PITPNC1: variants seen among roughly 807,000 people sequenced by gnomAD.
The protein encoded by PITPNC1 is phosphatidylinositol transfer protein cytoplasmic 1.
PITPNC1 carries 18 observed loss-of-function variants against 44.7 expected under a neutral mutation model. The ratio of observed to expected loss-of-function variants is 0.40; its 90% CI spans 0.28 to 0.60. The LOEUF (loss-of-function observed/expected upper bound fraction) is 0.60. PITPNC1 is among the 20% of genes least tolerant of loss of function. PITPNC1 has a pLI of 0.39. For synonymous variants in PITPNC1, 141 were observed against 149.6 expected (o/e 0.94, Z 0.42); for missense variants, 290 against 418.4 (o/e 0.69, Z 2.68).
chr17:67,465,606 A>G (rs1006124456), intron 1 of PITPNC1, among the ~76,000 whole-genome samples: 1 of 152,116 alleles, frequency 6.6e-6, no homozygotes, highest in African/African-American at 2.4e-5. Context: ...CGAATGACAG[A>G]GCCCCTGCAC....
intron 1 of PITPNC1, among the ~76,000 whole-genome samples, chr17:67,531,452 G>A (rs1598787173): frequency 6.6e-6 from 1 of 152,130 alleles, no homozygotes; most frequent in African/African-American, 2.4e-5. Context: ...GACCCAGACG[G>A]CAGCTTGCTT....
chr17:67,559,806 T>C (rs2096227541), intron 4 of PITPNC1, among the ~76,000 whole-genome samples: 1 of 151,802 alleles, frequency 6.6e-6, no homozygotes, highest in Non-Finnish European at 1.5e-5. Context: ...ACCCAGGAAG[T>C]GGAGGTTGCA....
Position 67,675,433 on chromosome 17 carries a change from T to TTCA in PITPNC1, c.619-42_619-40dup, listed in dbSNP as rs1395371831. On this transcript the variant is annotated intron_variant, in intron 7 of 8. Transcript: ENST00000581322. Reference sequence around the variant, plus strand: ...TTAACAACTTGTCTTCCAGATAGTTTTCATCAAAGATGCTATTATTTCAGT... The same window carrying TTCA: ...TTAACAACTTGTCTTCCAGATAGTTTTCATCATCAAAGATGCTATTATTTCAGT... 3.1e-6 allele frequency: 4 copies of TTCA among 1,288,240 alleles called. No individual in the cohort carries two copies. The Admixed American group carries it at 6.8e-5, about 22-fold the overall frequency. The allele number at this position is 1,288,240 out of a possible 1,614,324, so 79.8% of individuals were successfully genotyped here. A position where few individuals can be genotyped will look rare whatever the true frequency, so the allele number is the denominator to read the frequency against.
rs1000524620 is a variant in PITPNC1, at chr17:67,508,058, T to C, written c.49-24744T>C. Among the ~76,000 whole-genome samples the C allele has an allele frequency of 5.3e-5, 8 of 152,102 alleles. No homozygotes were observed. Among genetic ancestry groups the C allele is most frequent in the African/African-American group, 1.9e-4 (8 of 41,420 alleles). The stretch of plus-strand genomic sequence containing the variant: ...TTTTCCAAAGCCTGCTCCTCCTCCT[T>C]CTATATTTAATTCCCAAGAGTAATC... On this transcript the variant is annotated intron_variant, in intron 1 of 8. Transcript: ENST00000581322. This position sits in a 1 kb window ranked among gnomAD's most constrained non-coding sequence, Gnocchi z 4.2.
intron 5 of PITPNC1, among the ~76,000 whole-genome samples, chr17:67,622,089 C>G (rs922112125): frequency 6.6e-6 from 1 of 152,040 alleles, no homozygotes; most frequent in African/African-American, 2.4e-5. Context: ...AACCCCGTCT[C>G]TACTAAAAAT....
At chr17:67,532,389 C>T (rs1260244451) in intron 1 of PITPNC1, among the ~76,000 whole-genome samples, 1 of 152,162 alleles carries the variant, frequency 6.6e-6, no homozygotes, top group Non-Finnish European at 1.5e-5. Context: ...CCCTGTTCAG[C>T]AATTTTGCTA....
At chr17:67,668,828 C>T (rs191017902) in intron 6 of PITPNC1, among the ~76,000 whole-genome samples, 6 of 151,406 alleles carry the variant, frequency 4.0e-5, no homozygotes, top group Non-Finnish European at 7.4e-5. Flanking sequence ...CACCACTGCA[C>T]TCCAGCCTGG....
intron 8 of PITPNC1, among the ~76,000 whole-genome samples, chr17:67,683,404 T>C (rs1317266282): frequency 1.3e-5 from 2 of 152,230 alleles, no homozygotes; most frequent in Non-Finnish European, 2.9e-5. Context: ...CAGTGCATTT[T>C]ACCAGCTAAC....
chr17:67,588,170 A>G (rs548104050), intron 5 of PITPNC1, among the ~76,000 whole-genome samples: 33 of 152,110 alleles, frequency 2.2e-4, no homozygotes, highest in African/African-American at 7.7e-4. Flanking sequence ...CACCCAGCTA[A>G]TGTTTATATT....
At chr17:67,615,933 C>A (rs528716190) in intron 5 of PITPNC1, among the ~76,000 whole-genome samples, 52 of 152,160 alleles carry the variant, frequency 3.4e-4, no homozygotes, top group African/African-American at 1.2e-3. Flanking sequence ...AGGCTGCAGC[C>A]CAGAGGAGAA....
intron 1 of PITPNC1, among the ~76,000 whole-genome samples, chr17:67,449,444 C>T (rs2039145851): frequency 6.6e-6 from 1 of 152,118 alleles, no homozygotes; most frequent in Non-Finnish European, 1.5e-5. Context: ...GCTGACGACC[C>T]GAGATTCCTT....
chr17:67,584,489 C>G (rs2041283647), intron 5 of PITPNC1, among the ~76,000 whole-genome samples: 2 of 152,040 alleles, frequency 1.3e-5, no homozygotes, highest in South Asian at 4.2e-4. Context: ...ACAGAAAGAT[C>G]AGTATTGAAG....
chr17:67,680,102 T>G lies in PITPNC1; in HGVS notation c.682+4560T>G, dbSNP rs2042674688. 2.0e-5 allele frequency among the ~76,000 whole-genome samples: 3 copies of G among 152,074 alleles called. No individual in the cohort carries two copies. In the South Asian group the frequency reaches 6.2e-4, roughly 32 times the overall value. On this transcript the variant is annotated intron_variant, in intron 8 of 8. Transcript: ENST00000581322. Reference sequence around the variant, plus strand: ...GGTCTAACAATGAGGGAGGCAAGATTAAAATGGAGAAAGAAGCCTGCTAGG... The same window carrying G: ...GGTCTAACAATGAGGGAGGCAAGATGAAAATGGAGAAAGAAGCCTGCTAGG...
At chr17:67,505,322 A>G (rs1260338008) in intron 1 of PITPNC1, among the ~76,000 whole-genome samples, 2 of 152,176 alleles carry the variant, frequency 1.3e-5, no homozygotes, top group Non-Finnish European at 2.9e-5. Context: ...AAGGTCTCCA[A>G]CTATAGTTGT....
intron 1 of PITPNC1, among the ~76,000 whole-genome samples, chr17:67,382,739 C>G (rs934482549): frequency 1.8e-4 from 28 of 152,058 alleles, no homozygotes; most frequent in African/African-American, 6.5e-4. Flanking sequence ...AGTCTCCTGC[C>G]TCAGCCTCCC....
chr17:67,401,181 C>T (rs905455217), intron 1 of PITPNC1, among the ~76,000 whole-genome samples: 8 of 152,286 alleles, frequency 5.3e-5, no homozygotes, highest in South Asian at 2.1e-4. Context: ...GTGATCCGCC[C>T]GCCCTGGTCT....
chr17:67,404,920 G>A (rs2038372731), intron 1 of PITPNC1, among the ~76,000 whole-genome samples: 1 of 152,030 alleles, frequency 6.6e-6, no homozygotes, highest in African/African-American at 2.4e-5. Context: ...TGGTTGCTTC[G>A]TTGAGGATGA....
chr17:67,588,026 C>T (rs563877839), intron 5 of PITPNC1, among the ~76,000 whole-genome samples: 1 of 152,210 alleles, frequency 6.6e-6, no homozygotes, highest in South Asian at 2.1e-4. Context: ...TTTTTTGAAA[C>T]GGAGTCTCAC....
intron 4 of PITPNC1, among the ~76,000 whole-genome samples, chr17:67,568,446 A>G (rs1382528756): frequency 2.6e-5 from 4 of 152,230 alleles, no homozygotes; most frequent in Non-Finnish European, 5.9e-5. Flanking sequence ...ATAACTCTGA[A>G]TATACTGAAC....
Sources: gnomAD v4.1 joint callset for allele counts (sites outside exome capture counted in the v4.1 genomes callset) on GRCh38, gnomAD v4.1.1 for gene constraint, Gnocchi (gnomAD v3.1) non-coding constraint, MANE v1.5 for transcripts, NCBI Gene and HGNC (gene_info 2026-07-23, HGNC 2026-07-21) for gene names.